The following PICALM variants were observed in gnomAD, a reference collection of about 807,000 sequenced individuals.
PICALM encodes phosphatidylinositol-binding clathrin assembly protein.
PICALM carries 40 observed loss-of-function variants against 80.5 expected under a neutral mutation model. That is an observed-to-expected ratio of 0.50 (90% CI 0.39 to 0.65). The LOEUF (loss-of-function observed/expected upper bound fraction) is 0.65. PICALM is among the 30% of genes least tolerant of loss of function. The pLI, the probability that PICALM is intolerant of heterozygous loss-of-function variation, is 0.00. For missense variants in PICALM, 676 were observed against 778.9 expected, an observed-to-expected ratio of 0.87 and a Z score of 1.57; for synonymous variants, 288 against 260.3, an observed-to-expected ratio of 1.11 and a Z score of -1.02.
chr11:86,008,952 C>CAGAAAAAAAAAAAAAAA (rs2095335267), intron 7 of PICALM, among the ~76,000 whole-genome samples: 1 of 62,848 alleles, frequency 1.6e-5, no homozygotes, highest in Non-Finnish European at 3.1e-5. Flanking sequence ...AAAAAAAAGC[C>CAGAAAAAAAAAAAAAAA]AAAAAAAAAA....
rs1244870022 is a variant in PICALM at position 85,958,606 on chromosome 11, A to C, written c.*440T>G. On this transcript the variant is annotated 3_prime_UTR_variant, in exon 20 of 20. Coordinates refer to ENST00000393346, the MANE Select transcript of PICALM (RefSeq NM_007166.4). Reference sequence around the variant, plus strand: ...TTCTGTATTTGTGAGGACTGGAGAAAAGAAAGATAATGCATAATTAGGAAT... The same window carrying C: ...TTCTGTATTTGTGAGGACTGGAGAACAGAAAGATAATGCATAATTAGGAAT... 4.4e-6 allele frequency: 1 copy of C among 227,586 alleles called. No homozygotes were observed. Among genetic ancestry groups the C allele is most frequent in the Non-Finnish European group, 8.7e-6 (1 of 114,778 alleles). The allele number at this position is 227,586 out of a possible 1,614,324, so 14.1% of individuals were successfully genotyped here. A position where few individuals can be genotyped will look rare whatever the true frequency, so the allele number is the denominator to read the frequency against.
At chr11:86,033,489 T>C (rs560078412) in intron 1 of PICALM, among the ~76,000 whole-genome samples, 1 of 152,192 alleles carries the variant, frequency 6.6e-6, no homozygotes, top group African/African-American at 2.4e-5. Flanking sequence ...TAGATACCTA[T>C]GCTGCTTGCT....
intron 1 of PICALM, among the ~76,000 whole-genome samples, chr11:86,037,223 G>A (rs2136946149): frequency 7.0e-6 from 1 of 143,496 alleles, no homozygotes; most frequent in South Asian, 2.2e-4. Context: ...GGGATTACAG[G>A]CATGAGCCAC....
At chr11:86,032,276 A>G (rs933116553) in intron 1 of PICALM, among the ~76,000 whole-genome samples, 3 of 152,216 alleles carry the variant, frequency 2.0e-5, no homozygotes, top group African/African-American at 7.2e-5. Context: ...AAAACTTAAG[A>G]AGAGTAACCT....
At chr11:85,985,145 CTTCCCCTCCTCTAT>C (rs1269730737) in intron 13 of PICALM, among the ~76,000 whole-genome samples, 4 of 152,144 alleles carry the variant, frequency 2.6e-5, no homozygotes, top group African/African-American at 9.7e-5. Context: ...GGATCCCTTT[CTTCCCCTCCTCTAT>C]TCAGGTCAGA....
chr11:86,021,688 T>C (rs1175114303), intron 4 of PICALM, among the ~76,000 whole-genome samples: 1 of 152,118 alleles, frequency 6.6e-6, no homozygotes, highest in African/African-American at 2.4e-5. Context: ...CTTCTAGGTA[T>C]ACACCGAAGA....
At chr11:85,971,442 A>G (rs2094108955) in intron 19 of PICALM, among the ~76,000 whole-genome samples, 1 of 152,126 alleles carries the variant, frequency 6.6e-6, no homozygotes. Flanking sequence ...ACCTGGGTTA[A>G]GAGCAGATGC....
At chr11:85,998,470 A>G (rs2095046637) in intron 11 of PICALM, among the ~76,000 whole-genome samples, 1 of 151,904 alleles carries the variant, frequency 6.6e-6, no homozygotes, top group Non-Finnish European at 1.5e-5. Context: ...CTAAGAATTC[A>G]AACACAGTAC....
chr11:86,032,035 A>G (rs2095760164), intron 1 of PICALM, among the ~76,000 whole-genome samples: 1 of 152,222 alleles, frequency 6.6e-6, no homozygotes, highest in Non-Finnish European at 1.5e-5. Context: ...TCATCCATAC[A>G]GAAGAATGAA....
At chr11:86,022,492 AC>A (rs776530570) in intron 3 of PICALM, 23 bp from the exon 4 acceptor site, 2 of 1,282,312 alleles carry the variant, frequency 1.6e-6, no homozygotes, top group Non-Finnish European at 2.1e-6. Flanking sequence ...AAAAACAAAA[AC>A]AAAACAAAGA....
intron 12 of PICALM, among the ~76,000 whole-genome samples, chr11:85,994,677 T>A (rs1266472593): frequency 6.6e-6 from 1 of 152,258 alleles, no homozygotes; most frequent in African/African-American, 2.4e-5. Context: ...TCAAAATACC[T>A]TAAGCATTTA....
chr11:85,973,988 CAG>C (rs2094192823), intron 19 of PICALM, among the ~76,000 whole-genome samples: 1 of 151,816 alleles, frequency 6.6e-6, no homozygotes, highest in Non-Finnish European at 1.5e-5. Flanking sequence ...AGTATGCCAC[CAG>C]AGAAGTGAAT....
intron 12 of PICALM, among the ~76,000 whole-genome samples, chr11:85,995,626 C>A (rs1195422369): frequency 1.3e-5 from 2 of 151,984 alleles, no homozygotes; most frequent in Non-Finnish European, 2.9e-5. Context: ...AACAACTCAG[C>A]CTTAGTTTTA....
intron 1 of PICALM, among the ~76,000 whole-genome samples, chr11:86,049,731 C>G (rs1459814902): frequency 1.3e-5 from 2 of 151,546 alleles, no homozygotes; most frequent in Non-Finnish European, 2.9e-5. Flanking sequence ...CCATGCCTGG[C>G]CTCTTTTCTA....
chr11:86,003,343 T>C (rs755468301), intron 9 of PICALM, 23 bp downstream of exon 9: 1 of 1,444,406 alleles, frequency 6.9e-7, no homozygotes, highest in South Asian at 1.2e-5. Flanking sequence ...CTCTGGCTTT[T>C]TGGCCTACAA....
intron 19 of PICALM, among the ~76,000 whole-genome samples, chr11:85,967,653 G>A (rs776197159): frequency 2.0e-5 from 3 of 152,182 alleles, no homozygotes; most frequent in Non-Finnish European, 2.9e-5. Flanking sequence ...TCCAGCTGGA[G>A]AGATCGGCTG....
At chr11:86,006,946 A>AACT (rs1272254800) in intron 8 of PICALM, among the ~76,000 whole-genome samples, 2 of 152,102 alleles carry the variant, frequency 1.3e-5, no homozygotes, top group Non-Finnish European at 2.9e-5. Context: ...TAATCCTGTG[A>AACT]ACTACTTACT....
chr11:85,963,767 T>A (rs1372051871), intron 19 of PICALM, among the ~76,000 whole-genome samples: 2 of 152,086 alleles, frequency 1.3e-5, no homozygotes, highest in Non-Finnish European at 2.9e-5. Flanking sequence ...TTTCATATAG[T>A]CTATCTATCA....
At chr11:86,050,226 C>T (rs1213400071) in intron 1 of PICALM, among the ~76,000 whole-genome samples, 2 of 116,494 alleles carry the variant, frequency 1.7e-5, no homozygotes, top group African/African-American at 3.4e-5. Context: ...AAAAAAAAAA[C>T]TATATCAGTA....
Sources: allele counts gnomAD v4.1 joint callset (sites outside exome capture counted in the v4.1 genomes callset), GRCh38; gene constraint gnomAD v4.1.1; transcripts MANE v1.5; gene names NCBI Gene and HGNC (gene_info 2026-07-23, HGNC 2026-07-21).